OFD1: variants seen among roughly 807,000 people sequenced by gnomAD.
OFD1 encodes centriole and centriolar satellite protein OFD1.
Under a neutral mutation model 81.4 loss-of-function variants are expected in OFD1, and 12 were observed. That is an observed-to-expected ratio of 0.15 (90% CI 0.09 to 0.24). The LOEUF (loss-of-function observed/expected upper bound fraction) is 0.24. Among genes scored for constraint, OFD1 ranks in the 10% least tolerant of loss-of-function variants. The probability of loss-of-function intolerance (pLI) is 1.00; values close to 1 mark genes in which losing one functional copy is unlikely to be tolerated. For synonymous variants in OFD1, 256 were observed against 263.7 expected (o/e 0.97, Z 0.28); for missense variants, 685 against 733.9 (o/e 0.93, Z 0.77).
chrX:13,727,282 A>G, the OFD1 span, among the ~76,000 whole-genome samples: 1 of 112,185 alleles, frequency 8.9e-6, no homozygotes, highest in Admixed American at 9.4e-5. Context: ...CTCCACCCCA[A>G]ATCAACAGAA....
At chrX:13,735,121 C>T (rs778240581) in intron 1 of OFD1, 38 bp downstream of exon 1, 9 of 1,206,928 alleles carry the variant, frequency 7.5e-6, no homozygotes, top group Non-Finnish European at 1.0e-5. Context: ...GAAATAAAGT[C>T]TTGTTTTGTG....
chrX:13,725,747 G>C, the OFD1 span, among the ~76,000 whole-genome samples: 1 of 112,395 alleles, frequency 8.9e-6, no homozygotes, highest in African/African-American at 3.2e-5. Flanking sequence ...AAAGCTGGAC[G>C]GAGAATGACT....
rs1260556572 is a variant in OFD1 at position 13,760,112 on chromosome X, C to T, written c.1655-3C>T. The T allele has an allele frequency of 2.5e-6, 3 of 1,210,157 alleles. No homozygotes were observed. Among genetic ancestry groups the T allele is most frequent in the African/African-American group, 1.7e-5 (1 of 57,281 alleles). ...TCTGAAATTGGCTTTTTGTACCCTG[C>T]AGCCCTAGAGAATGAAGTGTACTGC... On this transcript the variant is annotated splice_polypyrimidine_tract_variant and splice_region_variant and intron_variant, in intron 15 of 22. Transcript: ENST00000340096.
In OFD1 at chrX:13,763,755, C is replaced by T. The variant is rs2147066586; in HGVS notation, c.2499C>T (p.Asn833=). The change falls in exon 19 of 23, where the codon AAC becomes AAT. Residue 833 remains asparagine, a synonymous_variant. Transcript: ENST00000340096. ...EFESSFESAG[N]MPRQLEMGGL... ...TTGTGCCTCATGCAGCTGCAGGGAA[C>T]ATGCCAAGGCAGTTGGAAATGGGCG... 8.3e-7 allele frequency: 1 copy of T among 1,209,092 alleles called. No individual in the cohort carries two copies. Among genetic ancestry groups the T allele is most frequent in the Non-Finnish European group, 1.1e-6 (1 of 893,317 alleles).
chrX:13,744,294 T>TA lies in OFD1; in HGVS notation c.413-113dup, dbSNP rs1437659764. 1,205 of 468,397 alleles carry TA rather than the reference T, an allele frequency of 2.6e-3. 1 individual carries two copies. The highest frequency in any genetic ancestry group is 3.4e-3 in the Non-Finnish European group (896 of 264,335). 38.6% of individuals were successfully genotyped at this position (468,397 alleles called of 1,213,427 possible). On this transcript the variant is annotated intron_variant, in intron 5 of 22. Transcript: ENST00000340096. ...GGTGACAGAGCAAGACTTTTGTCTC[T>TA]AAAAAAAAGGAAAGATATATAATGT...
intron 5 of OFD1, 86 bp from the exon 6 acceptor site, chrX:13,744,323 AAATGAT>A (rs1371011011): frequency 5.5e-6 from 3 of 544,194 alleles, no homozygotes; most frequent in Non-Finnish European, 6.4e-6. Context: ...ATAATGTAAA[AAATGAT>A]AATGTCCTAA....
intron 5 of OFD1, among the ~76,000 whole-genome samples, chrX:13,741,118 G>A (rs1375535686): frequency 4.6e-5 from 5 of 109,479 alleles, no homozygotes; most frequent in African/African-American, 1.7e-4. Flanking sequence ...CCAGCCTAGC[G>A]ACAGAGCAAG....
In OFD1 at chrX:13,768,235, C is replaced by T. The variant is rs750201855; in HGVS notation, c.2928+11C>T. The T allele has an allele frequency of 1.7e-6, 2 of 1,180,532 alleles. No homozygotes were observed. The highest frequency in any genetic ancestry group is 1.8e-5 in the South Asian group (1 of 56,176). ...GAGTCGGCAGATAAGGTGCCAGTGCCATGGGCAGGGCAATCTGTGGGTGGG... is the reference window on the plus strand; with the variant it reads ...GAGTCGGCAGATAAGGTGCCAGTGCTATGGGCAGGGCAATCTGTGGGTGGG... On this transcript the variant is annotated intron_variant, in intron 21 of 22. Transcript: ENST00000340096.
intron 21 of OFD1, 123 bp from the exon 22 acceptor site, chrX:13,768,595 T>C (rs1422026026): frequency 1.0e-5 from 6 of 596,155 alleles, no homozygotes; most frequent in South Asian, 2.5e-5. Flanking sequence ...AATTTCATGT[T>C]TAAAAGTCAC....
intron 5 of OFD1, chrX:13,740,275 A>G: frequency 1.5e-6 from 1 of 645,702 alleles, no homozygotes; most frequent in Non-Finnish European, 2.2e-6. Context: ...TGATTATGGA[A>G]ATGTCTGTGT....
chrX:13,747,263 G>A (rs2047331672), intron 8 of OFD1, among the ~76,000 whole-genome samples: 1 of 111,901 alleles, frequency 8.9e-6, no homozygotes, highest in Admixed American at 9.5e-5. Flanking sequence ...GGAGCAGATT[G>A]GAGGTGCAGA....
chrX:13,734,786 C>G lies in OFD1; in HGVS notation c.-286C>G. 5 of 1,068,856 alleles carry G rather than the reference C, an allele frequency of 4.7e-6. No homozygotes were observed. The highest frequency in any genetic ancestry group is 2.5e-5 in the South Asian group (1 of 39,499). 88.1% of individuals were successfully genotyped at this position (1,068,856 alleles called of 1,213,427 possible). On this transcript the variant is annotated 5_prime_UTR_variant, in exon 1 of 23. Coordinates refer to ENST00000340096, the MANE Select transcript of OFD1 (RefSeq NM_003611.3). ...CGGTCCTGCCTCGCTGCCTTCAGTC[C>G]CTAGTGTCTGGGTCCCCGCCCTCCA...
the OFD1 span, among the ~76,000 whole-genome samples, chrX:13,717,389 A>G: frequency 8.9e-6 from 1 of 112,135 alleles, no homozygotes; most frequent in African/African-American, 3.2e-5. Flanking sequence ...GTCTGACCAT[A>G]ATGTGAAGAC....
In OFD1 at chrX:13,736,501, T is replaced by G. The variant is rs756179851; in HGVS notation, c.135T>G (p.Ile45Met). 6 of 1,209,449 alleles carry G rather than the reference T, an allele frequency of 5.0e-6. No individual in the cohort carries two copies. Among genetic ancestry groups the G allele is most frequent in the Non-Finnish European group, 6.7e-6 (6 of 894,680 alleles). ...TLKTQLRNQL[I>M]HELMHPVLSG... ...AGACACAACTTCGAAACCAGCTAAT[T>G]CATGAGTTGATGCACCCTGTATTGA... The change falls in exon 3 of 23, where the codon ATT (isoleucine) becomes ATG (methionine). Residue 45 changes from isoleucine (I) to methionine (M), a missense_variant. Ile to Met is a conservative substitution (Grantham distance 10). Transcript: ENST00000340096.
rs574703510 is a variant in OFD1 at position 13,751,177 on chromosome X, T to C, written c.936-72T>C. ...GTTTTAGTCTGTGGAACTAGACACA[T>C]GTGATTTTTTCCTAAATTTGTTAGC... is the stretch of plus-strand genomic sequence containing the variant. On this transcript the variant is annotated intron_variant, in intron 9 of 22. Transcript: ENST00000340096. The C allele has an allele frequency of 1.2e-5, 12 of 1,029,415 alleles. No individual in the cohort carries two copies. In the South Asian group the frequency reaches 2.0e-4, roughly 17 times the overall value. 84.8% of individuals were successfully genotyped at this position (1,029,415 alleles called of 1,213,427 possible).
the OFD1 span, among the ~76,000 whole-genome samples, chrX:13,715,066 T>C: frequency 8.9e-6 from 1 of 112,973 alleles, no homozygotes; most frequent in East Asian, 2.7e-4. Context: ...ATTGTTCATC[T>C]TTATAAGAGG....
chrX:13,741,330 C>T (rs2047092297), intron 5 of OFD1, among the ~76,000 whole-genome samples: 1 of 111,359 alleles, frequency 9.0e-6, no homozygotes, highest in Non-Finnish European at 1.9e-5. Flanking sequence ...AACAAAATAG[C>T]TCCTGGTAAG....
At chrX:13,735,215 C>G (rs1364313910) in intron 1 of OFD1, 33 bp from the exon 2 acceptor site, 3 of 1,197,120 alleles carry the variant, frequency 2.5e-6, no homozygotes, top group African/African-American at 1.7e-5. Flanking sequence ...TCCCTCTGCC[C>G]CGCAGGTAAC....
downstream of OFD1, chrX:13,772,797 G>A: frequency 1.1e-6 from 1 of 903,625 alleles, no homozygotes; most frequent in Non-Finnish European, 1.6e-6. Context: ...TTAGTTTGGT[G>A]GGATACACAT....
Sources: allele counts gnomAD v4.1 joint callset (sites outside exome capture counted in the v4.1 genomes callset), GRCh38; gene constraint gnomAD v4.1.1; transcripts MANE v1.5; gene names NCBI Gene and HGNC (gene_info 2026-07-23, HGNC 2026-07-21).